The following SSPN variants were observed in gnomAD, a reference collection of about 807,000 sequenced individuals.
SSPN encodes the protein sarcospan.
Under a neutral mutation model 19.1 loss-of-function variants are expected in SSPN, and 15 were observed. The ratio of observed to expected loss-of-function variants is 0.78; its 90% confidence interval spans 0.52 to 1.21. The LOEUF (loss-of-function observed/expected upper bound fraction) is 1.21. Ranked by LOEUF, SSPN falls within the 50% of genes most tolerant of loss-of-function variation. SSPN has a pLI of 0.00. For missense variants in SSPN, 291 were observed against 314.0 expected (o/e 0.93, Z 0.55); for synonymous variants, 147 against 140.3 (o/e 1.05, Z -0.34).
chr12:26,149,950 C>G (rs1944515404), intron 1 of SSPN, among the ~76,000 whole-genome samples: 1 of 152,166 alleles, frequency 6.6e-6, no homozygotes, highest in Admixed American at 6.5e-5. Flanking sequence ...TCCTTTTGTA[C>G]ATGTACACAT....
At chr12:26,213,235 G>A (rs996559029) in intron 1 of SSPN, among the ~76,000 whole-genome samples, 1 of 151,796 alleles carries the variant, frequency 6.6e-6, no homozygotes, top group African/African-American at 2.4e-5. Flanking sequence ...GGCATTTCCT[G>A]GGTAGTAGAT....
chr12:26,123,734 C>T, intron 1 of SSPN: 1 of 1,611,898 alleles, frequency 6.2e-7, no homozygotes, highest in Non-Finnish European at 8.5e-7. Flanking sequence ...CTCCAGATGT[C>T]CCAGAGTCTG....
intron 1 of SSPN, among the ~76,000 whole-genome samples, chr12:26,160,685 T>G (rs1439317027): frequency 1.3e-5 from 2 of 152,242 alleles, no homozygotes; most frequent in Non-Finnish European, 2.9e-5. Flanking sequence ...GTCTCCCTTA[T>G]CTACTATCTT....
Position 26,176,542 on chromosome 12 carries a change from A to G in SSPN, c.-30-47751A>G, listed in dbSNP as rs184966874. 1.3e-3 allele frequency among the ~76,000 whole-genome samples: 193 copies of G among 152,314 alleles called. 2 individuals are homozygous for G. The highest frequency in any genetic ancestry group is 3.7e-3 in the African/African-American group (154 of 41,582). On this transcript the variant is annotated intron_variant, in intron 1 of 2. Coordinates refer to the SSPN transcript ENST00000538142. ...CTTGCTTATGCCTTTTCTGCAGTCA[A>G]TGGGAGGCTGTGCGTCACTGTACAG...
At chr12:26,172,378 C>A (rs1944658420) in intron 1 of SSPN, among the ~76,000 whole-genome samples, 1 of 152,190 alleles carries the variant, frequency 6.6e-6, no homozygotes, top group Admixed American at 6.5e-5. Flanking sequence ...CCCTTGCTCA[C>A]TGCTGTTTTC....
chr12:26,201,028 T>TA (rs1361123257), intron 1 of SSPN, among the ~76,000 whole-genome samples: 9 of 34,734 alleles, frequency 2.6e-4, no homozygotes, highest in East Asian at 3.0e-3. Flanking sequence ...TATATATATA[T>TA]ATATATATAT....
intron 2 of SSPN, among the ~76,000 whole-genome samples, chr12:26,227,081 A>G (rs1312896677): frequency 1.3e-5 from 2 of 151,964 alleles, no homozygotes; most frequent in Non-Finnish European, 2.9e-5. Context: ...ATCAAGATAT[A>G]TTTGCTCGGA....
At position 26,123,626 on chromosome 12, in the gene SSPN, T is replaced by C. The variant is rs767880967; in HGVS notation, c.-31+1474T>C. 2.5e-6 allele frequency: 4 copies of C among 1,608,566 alleles called. No homozygotes were observed. In the South Asian group the frequency reaches 4.4e-5, roughly 18 times the overall value. ...GGTAGGCTGGCCTCCCTGAACTGAC[T>C]TACCATTCTGTAAAGCAATTATCTT... is the stretch of plus-strand genomic sequence containing the variant. On this transcript the variant is annotated intron_variant, in intron 1 of 2. Transcript: ENST00000538142.
intron 1 of SSPN, among the ~76,000 whole-genome samples, chr12:26,169,185 T>A (rs1345412278): frequency 2.0e-5 from 3 of 152,158 alleles, no homozygotes; most frequent in Non-Finnish European, 2.9e-5. Context: ...TGATTCTGTT[T>A]TCTACTAACT....
chr12:26,229,438 A>G (rs970280738), intron 2 of SSPN, among the ~76,000 whole-genome samples: 3 of 152,254 alleles, frequency 2.0e-5, no homozygotes, highest in African/African-American at 2.4e-5. Flanking sequence ...TAAATACAGC[A>G]TTCCAAATTT....
At chr12:26,223,499 C>G (rs575332361) in intron 1 of SSPN, among the ~76,000 whole-genome samples, 1 of 138,080 alleles carries the variant, frequency 7.2e-6, no homozygotes, top group African/African-American at 2.6e-5. Context: ...CATGAGGCAC[C>G]GCACCCGCTT....
intron 1 of SSPN, among the ~76,000 whole-genome samples, chr12:26,150,199 T>C (rs1944517241): frequency 6.6e-6 from 1 of 152,188 alleles, no homozygotes; most frequent in African/African-American, 2.4e-5. Context: ...AGAAATGGGT[T>C]TGACTCCGGA....
chr12:26,130,176 G>A (rs185087606), intron 1 of SSPN, among the ~76,000 whole-genome samples: 1 of 152,354 alleles, frequency 6.6e-6, no homozygotes, highest in African/African-American at 2.4e-5. Context: ...GATGGTGGAA[G>A]TCTGCAGGAA....
intron 1 of SSPN, among the ~76,000 whole-genome samples, chr12:26,154,001 G>A (rs138884930): frequency 9.2e-4 from 140 of 152,334 alleles, no homozygotes; most frequent in African/African-American, 3.3e-3. Context: ...GGTACCCCTT[G>A]TGGAAAAACT....
chr12:26,199,269 G>A (rs1377084582), intron 1 of SSPN, among the ~76,000 whole-genome samples: 1 of 152,110 alleles, frequency 6.6e-6, no homozygotes, highest in Non-Finnish European at 1.5e-5. Flanking sequence ...TGTCCAGTGG[G>A]ATTTTAGGAA....
At chr12:26,147,755 T>C (rs1426287666) in intron 1 of SSPN, among the ~76,000 whole-genome samples, 3 of 152,192 alleles carry the variant, frequency 2.0e-5, no homozygotes, top group African/African-American at 7.2e-5. Context: ...TGCTTTTCAA[T>C]TATCAGCCCC....
At chr12:26,213,267 A>G (rs1004080756) in intron 1 of SSPN, among the ~76,000 whole-genome samples, 19 of 140,484 alleles carry the variant, frequency 1.4e-4, no homozygotes, top group African/African-American at 4.8e-4. Flanking sequence ...TTGTAACAGA[A>G]ATAAAAAGAG....
intron 1 of SSPN, among the ~76,000 whole-genome samples, chr12:26,212,743 A>G (rs1278475342): frequency 1.3e-5 from 2 of 152,212 alleles, no homozygotes; most frequent in Non-Finnish European, 2.9e-5. Flanking sequence ...CATAGGCCAA[A>G]TAAAGTAGTC....
chr12:26,163,887 C>G (rs1479450480), intron 1 of SSPN, among the ~76,000 whole-genome samples: 1 of 152,164 alleles, frequency 6.6e-6, no homozygotes, highest in Non-Finnish European at 1.5e-5. Context: ...TACTAGTGAA[C>G]TCCACTGTGC....
Sources: allele counts gnomAD v4.1 joint callset (sites outside exome capture counted in the v4.1 genomes callset), GRCh38; gene constraint gnomAD v4.1.1; transcripts MANE v1.5; gene names NCBI Gene and HGNC (gene_info 2026-07-23, HGNC 2026-07-21).